Variants in NRXN1 observed in about 807,000 individuals in gnomAD.
The protein encoded by NRXN1 is neurexin 1.
A neutral mutation model predicts 150.9 loss-of-function variants in NRXN1; 39 were observed. The observed-to-expected ratio is 0.26, with a 90% CI of 0.20 to 0.34. The LOEUF is 0.34. NRXN1 is among the 10% of genes least tolerant of loss of function. The pLI, the probability that NRXN1 is intolerant of heterozygous loss-of-function variation, is 1.00. For missense variants in NRXN1, 1,815 were observed against 1,949.9 expected (o/e 0.93, Z 1.30); for synonymous variants, 924 against 757.0 (o/e 1.22, Z -3.62).
intron 17 of NRXN1, among the ~76,000 whole-genome samples, chr2:50,294,801 T>A (rs1057016258): frequency 2.6e-5 from 4 of 152,188 alleles, no homozygotes; most frequent in Admixed American, 6.6e-5. Flanking sequence ...GACACAGGAA[T>A]AATGGATCTG....
chr2:50,070,695 G>A (rs1000215306), intron 19 of NRXN1, among the ~76,000 whole-genome samples: 52 of 150,710 alleles, frequency 3.5e-4, no homozygotes, highest in African/African-American at 1.0e-3. Flanking sequence ...GCGTGAACCC[G>A]GGAGGCGGAG....
At chr2:50,660,059 A>G (rs1264683702) in intron 5 of NRXN1, among the ~76,000 whole-genome samples, 1 of 152,048 alleles carries the variant, frequency 6.6e-6, no homozygotes, top group Admixed American at 6.6e-5. Flanking sequence ...GGCACTAAAC[A>G]AATACATCAA....
chr2:50,629,650 A>G (rs192543719), intron 5 of NRXN1, among the ~76,000 whole-genome samples: 17 of 151,880 alleles, frequency 1.1e-4, no homozygotes, highest in Admixed American at 5.9e-4. Flanking sequence ...ATGATTAAGC[A>G]TAAAATGAAT....
At chr2:50,149,369 C>G (rs1356171476) in intron 18 of NRXN1, among the ~76,000 whole-genome samples, 1 of 151,662 alleles carries the variant, frequency 6.6e-6, no homozygotes, top group African/African-American at 2.4e-5. Context: ...ATATCCACAC[C>G]AAATTGTCAC....
At chr2:50,910,556 A>G (rs1380980910) in intron 5 of NRXN1, among the ~76,000 whole-genome samples, 9 of 151,928 alleles carry the variant, frequency 5.9e-5, no homozygotes, top group Non-Finnish European at 1.2e-4. Context: ...AGATTTCCTC[A>G]GCATCTTTCA....
At chr2:50,198,348 G>C (rs2061910014) in intron 18 of NRXN1, among the ~76,000 whole-genome samples, 1 of 152,066 alleles carries the variant, frequency 6.6e-6, no homozygotes, top group Non-Finnish European at 1.5e-5. Context: ...GATTGTTTGA[G>C]ATAACACAGC....
At chr2:50,527,116 T>A (rs72880041) in intron 12 of NRXN1, among the ~76,000 whole-genome samples, 5,072 of 152,266 alleles carry the variant, frequency 0.033, 268 homozygotes, top group African/African-American at 0.11. Context: ...GCATGCTTCA[T>A]ATAAATAAAA....
At chr2:50,581,384 G>C (rs1369536511) in intron 8 of NRXN1, among the ~76,000 whole-genome samples, 5 of 152,030 alleles carry the variant, frequency 3.3e-5, no homozygotes, top group African/African-American at 4.8e-5. Context: ...CACTTTATTG[G>C]ATAGCTTATG....
intron 5 of NRXN1, among the ~76,000 whole-genome samples, chr2:50,814,392 C>T (rs1245387933): frequency 2.0e-5 from 3 of 152,112 alleles, no homozygotes; most frequent in Non-Finnish European, 2.9e-5. Context: ...CCTTCTCATT[C>T]CCCAAACCCT....
chr2:50,991,434 G>T (rs1170875033), intron 2 of NRXN1, among the ~76,000 whole-genome samples: 1 of 151,990 alleles, frequency 6.6e-6, no homozygotes, highest in East Asian at 1.9e-4. Context: ...TTAGCAAGAA[G>T]CCCAAGCCAG....
chr2:50,404,175 T>TG (rs1454666120), intron 17 of NRXN1, among the ~76,000 whole-genome samples: 12 of 151,606 alleles, frequency 7.9e-5, no homozygotes, highest in African/African-American at 1.9e-4. Flanking sequence ...TTTGTTTTGT[T>TG]TTGTTGTTGT....
intron 21 of NRXN1, chr2:49,970,217 C>G (rs1038940038): frequency 3.3e-5 from 5 of 151,776 alleles, no homozygotes; most frequent in African/African-American, 1.2e-4. Flanking sequence ...GCTTAACCCA[C>G]AGATCAAAAA....
intron 17 of NRXN1, among the ~76,000 whole-genome samples, chr2:50,373,296 T>TATTATTATC (rs34117952): frequency 7.1e-6 from 1 of 140,352 alleles, no homozygotes; most frequent in Non-Finnish European, 1.5e-5. Context: ...TTTTATTTTT[T>TATTATTATC]ATTATTATTA....
intron 5 of NRXN1, among the ~76,000 whole-genome samples, chr2:50,844,984 G>C (rs979140210): frequency 1.3e-5 from 2 of 151,980 alleles, no homozygotes; most frequent in African/African-American, 4.8e-5. Flanking sequence ...CTCTCAAGTA[G>C]CTGGGACCAC....
At chr2:50,740,342 G>A (rs1699282133) in intron 5 of NRXN1, among the ~76,000 whole-genome samples, 1 of 152,116 alleles carries the variant, frequency 6.6e-6, no homozygotes, top group African/African-American at 2.4e-5. Context: ...CACCCACCCA[G>A]CATCCTAGTT....
At chr2:50,740,077 GT>G (rs997712443) in intron 5 of NRXN1, among the ~76,000 whole-genome samples, 2 of 152,178 alleles carry the variant, frequency 1.3e-5, no homozygotes, top group East Asian at 1.9e-4. Context: ...ATTTTGTTTT[GT>G]TTTTAAATTC....
At chr2:50,820,026 T>C (rs1669493161) in intron 5 of NRXN1, among the ~76,000 whole-genome samples, 1 of 152,128 alleles carries the variant, frequency 6.6e-6, no homozygotes, top group South Asian at 2.1e-4. Context: ...TTTCCTTAAA[T>C]TTAATTGCAA....
chr2:50,538,387 G>C lies in NRXN1; in HGVS notation c.2009C>G (p.Pro670Arg). 5 of 1,613,980 alleles carry C rather than the reference G, an allele frequency of 3.1e-6. No individual in the cohort carries two copies. The highest frequency in any genetic ancestry group is 4.2e-6 in the Non-Finnish European group (5 of 1,179,876). ...AEVQSTAGVK[P>R]SCSKETAKPC... ...TTTTGCTGTTTCCTTTGAGCAGGAAGGCTTCACTCCAGCAGTACTTTGAAC... is the reference window on the plus strand; with the variant it reads ...TTTTGCTGTTTCCTTTGAGCAGGAACGCTTCACTCCAGCAGTACTTTGAAC... The change falls in exon 10 of 23, where the codon CCT (proline) becomes CGT (arginine). Residue 670 changes from proline to arginine, a missense_variant. By Grantham distance (103) the Pro-to-Arg change is moderately radical (BLOSUM62 -2). This residue lies in a region of NRXN1 where 638 missense variants were observed against 652.6 expected (regional missense o/e 0.98). Coordinates refer to ENST00000401669, the MANE Select transcript of NRXN1 (RefSeq NM_001330078.2).
intron 5 of NRXN1, among the ~76,000 whole-genome samples, chr2:50,635,714 T>C (rs1683142378): frequency 6.6e-6 from 1 of 152,188 alleles, no homozygotes. Context: ...TTACAGAGCC[T>C]ATGCCTTAAA....
Sources: allele counts gnomAD v4.1 joint callset (sites outside exome capture counted in the v4.1 genomes callset), GRCh38; gene constraint gnomAD v4.1.1; regional missense constraint gnomAD v4.1.1; transcripts MANE v1.5; gene names NCBI Gene and HGNC (gene_info 2026-07-23, HGNC 2026-07-21).